RHOA: variants seen among roughly 807,000 people sequenced by gnomAD.
The protein encoded by RHOA is ras homolog family member A.
Under a neutral mutation model 17.5 loss-of-function variants are expected in RHOA, and 3 were observed. The observed-to-expected ratio is 0.17, with a 90% CI of 0.08 to 0.44. RHOA has a LOEUF of 0.44. Ranked by LOEUF, RHOA falls within the 20% of genes least tolerant of loss-of-function variation. The pLI, the probability that RHOA is intolerant of heterozygous loss-of-function variation, is 0.99. For synonymous variants in RHOA, 98 were observed against 88.4 expected (o/e 1.11, Z -0.61); for missense variants, 56 against 242.3 (o/e 0.23, Z 5.10).
At chr3:49,394,729 A>C (rs992401669) in intron 1 of RHOA, among the ~76,000 whole-genome samples, 1 of 152,146 alleles carries the variant, frequency 6.6e-6, no homozygotes, top group Non-Finnish European at 1.5e-5. Context: ...ACTCAGGGAA[A>C]ACAGCACAAT....
intron 1 of RHOA, among the ~76,000 whole-genome samples, chr3:49,384,038 G>C (rs922416284): frequency 2.0e-5 from 3 of 151,880 alleles, no homozygotes; most frequent in Non-Finnish European, 4.4e-5. Context: ...TCAGAAAAAA[G>C]AAAGAAAAGA....
At chr3:49,408,998 G>A (rs927854853) in intron 1 of RHOA, among the ~76,000 whole-genome samples, 6 of 151,526 alleles carry the variant, frequency 4.0e-5, no homozygotes, top group African/African-American at 1.4e-4. Flanking sequence ...GTTTCACCGT[G>A]TTAGCCAGGA....
At chr3:49,387,520 C>T (rs1268029280) in intron 1 of RHOA, among the ~76,000 whole-genome samples, 1 of 149,020 alleles carries the variant, frequency 6.7e-6, no homozygotes, top group Admixed American at 6.8e-5. Flanking sequence ...CCAAGGTGGG[C>T]AGATCACGAG....
chr3:49,381,092 T>G (rs2048309580), intron 1 of RHOA, among the ~76,000 whole-genome samples: 1 of 151,910 alleles, frequency 6.6e-6, no homozygotes, highest in Non-Finnish European at 1.5e-5. Flanking sequence ...ATGTGCTCAA[T>G]GCATATCTTC....
At chr3:49,386,031 T>C (rs748841883) in intron 1 of RHOA, among the ~76,000 whole-genome samples, 2 of 152,180 alleles carry the variant, frequency 1.3e-5, no homozygotes, top group African/African-American at 2.4e-5. Context: ...GCTTTGTTTT[T>C]TTCCAAGATT....
Position 49,362,492 on chromosome 3 carries a change from A to G in RHOA, c.408+4T>C. The G allele has an allele frequency of 1.2e-6, 2 of 1,608,680 alleles. No individual in the cohort carries two copies. Among genetic ancestry groups the G allele is most frequent in the South Asian group, 1.1e-5 (1 of 90,132 alleles). On this transcript the variant is annotated splice_donor_region_variant and intron_variant, in intron 4 of 4. Transcript: ENST00000418115. ...CTACAAGACAGTCCTGCCCCAGATC[A>G]TGCCTGCTTCATCTTGGCTAGCTCC... is the stretch of plus-strand genomic sequence containing the variant.
intron 1 of RHOA, among the ~76,000 whole-genome samples, chr3:49,410,267 C>G (rs2048910118): frequency 6.6e-6 from 1 of 152,124 alleles, no homozygotes; most frequent in African/African-American, 2.4e-5. Context: ...AGATAGGTAA[C>G]CTTGGGAAAT....
At chr3:49,399,871 G>A (rs2048692724) in intron 1 of RHOA, among the ~76,000 whole-genome samples, 1 of 151,944 alleles carries the variant, frequency 6.6e-6, no homozygotes, top group Non-Finnish European at 1.5e-5. Context: ...ACATCAAGGG[G>A]GTAAGAAATA....
At chr3:49,382,249 G>A (rs561557462) in intron 1 of RHOA, among the ~76,000 whole-genome samples, 14 of 152,194 alleles carry the variant, frequency 9.2e-5, no homozygotes, top group African/African-American at 3.1e-4. Context: ...AACCCAGGAG[G>A]TGGAGCTTGC....
At chr3:49,390,023 A>T (rs1001303533) in intron 1 of RHOA, among the ~76,000 whole-genome samples, 2 of 152,048 alleles carry the variant, frequency 1.3e-5, no homozygotes, top group African/African-American at 4.8e-5. Flanking sequence ...AGAAGACAGA[A>T]GCAAATCAGT....
intron 1 of RHOA, among the ~76,000 whole-genome samples, chr3:49,390,959 C>T (rs1436956177): frequency 6.6e-6 from 1 of 151,980 alleles, no homozygotes; most frequent in African/African-American, 2.4e-5. Flanking sequence ...TGGCTCATGC[C>T]TGTAATCCCA....
At chr3:49,381,722 G>A (rs758652236) in intron 1 of RHOA, among the ~76,000 whole-genome samples, 15 of 151,400 alleles carry the variant, frequency 9.9e-5, no homozygotes, top group Non-Finnish European at 1.9e-4. Context: ...AAAATTAGCC[G>A]GGCATGGTGG....
At chr3:49,378,529 G>A (rs560978398) in intron 1 of RHOA, among the ~76,000 whole-genome samples, 118 of 151,974 alleles carry the variant, frequency 7.8e-4, no homozygotes, top group African/African-American at 2.7e-3. Flanking sequence ...GATTACAGGC[G>A]TGAGCCACTG....
At chr3:49,407,487 CA>C (rs68181721) in intron 1 of RHOA, among the ~76,000 whole-genome samples, 148,436 of 152,114 alleles carry the variant, frequency 0.98, 72,539 homozygotes, top group Middle Eastern at 1. Flanking sequence ...ACCTGCCCAG[CA>C]CTTCCAAAGT....
At chr3:49,395,046 G>A (rs896443788) in intron 1 of RHOA, among the ~76,000 whole-genome samples, 2 of 151,846 alleles carry the variant, frequency 1.3e-5, no homozygotes, top group Non-Finnish European at 2.9e-5. Context: ...TCAGGAGATC[G>A]AGACCATCTT....
chr3:49,393,688 G>GTGTGTGTA lies in RHOA; in HGVS notation c.-2-18098_-2-18097insTACACACA, dbSNP rs1200748049. ...TCAAATTCTCTCTCTGTGTGTGTGT[G>GTGTGTGTA]TGTGTGTGTGTGTGTGTGTGTGTGT... On this transcript the variant is annotated intron_variant, in intron 1 of 4. Coordinates refer to ENST00000418115, the MANE Select transcript of RHOA (RefSeq NM_001664.4). Among the ~76,000 whole-genome samples the GTGTGTGTA allele has an allele frequency of 4.9e-4, 49 of 100,232 alleles. 2 individuals carry two copies. Among genetic ancestry groups the GTGTGTGTA allele is most frequent in the African/African-American group, 2.3e-3 (46 of 19,866 alleles). The allele number at this position is 100,232 out of a possible 152,430, so 65.8% of individuals were successfully genotyped here.
chr3:49,376,719 T>G (rs1575654940), intron 1 of RHOA, among the ~76,000 whole-genome samples: 1 of 143,362 alleles, frequency 7.0e-6, no homozygotes. Flanking sequence ...TGAAAGGGAG[T>G]ACCCAAGGGA....
intron 4 of RHOA, among the ~76,000 whole-genome samples, chr3:49,361,584 T>C (rs1575640130): frequency 6.6e-6 from 1 of 152,050 alleles, no homozygotes; most frequent in African/African-American, 2.4e-5. Context: ...GGGAAGGCAA[T>C]CAAGAGTCTA....
chr3:49,359,196 GA>G lies in RHOA; in HGVS notation c.*1012del. The G allele has an allele frequency of 1.1e-5, 2 of 187,104 alleles. No homozygotes were observed. Among genetic ancestry groups the G allele is most frequent in the Non-Finnish European group, 2.3e-5 (2 of 88,462 alleles). 11.6% of individuals were successfully genotyped at this position (187,104 alleles called of 1,614,324 possible). A position where few individuals can be genotyped will look rare whatever the true frequency, so the allele number is the denominator to read the frequency against. On this transcript the variant is annotated 3_prime_UTR_variant, in exon 5 of 5. Transcript: ENST00000418115. ...GTAGTTGGAAAAATTAACTGGTACA[GA>G]AAAAAAGTTTAGTCAGCTGGAGAGA...
Sources: allele counts gnomAD v4.1 joint callset (sites outside exome capture counted in the v4.1 genomes callset), GRCh38; gene constraint gnomAD v4.1.1; transcripts MANE v1.5; gene names NCBI Gene and HGNC (gene_info 2026-07-23, HGNC 2026-07-21).